CFAP69: variants seen among roughly 807,000 people sequenced by gnomAD.
CFAP69 encodes the protein cilia and flagella associated protein 69.
In CFAP69, 92 loss-of-function variants were observed where a neutral mutation model predicts 123.0. The ratio of observed to expected loss-of-function variants is 0.75; its 90% CI spans 0.63 to 0.89. CFAP69 has a LOEUF of 0.89. Ranked by LOEUF, CFAP69 falls within the 40% of genes least tolerant of loss-of-function variation. The pLI, the probability that CFAP69 is intolerant of heterozygous loss-of-function variation, is 0.00. For missense variants in CFAP69, 1,067 were observed against 1,096.9 expected (o/e 0.97, Z 0.39); for synonymous variants, 380 against 364.3 (o/e 1.04, Z -0.49).
intron 15 of CFAP69, among the ~76,000 whole-genome samples, chr7:90,291,051 G>A (rs1351521425): frequency 6.6e-6 from 1 of 152,036 alleles, no homozygotes; most frequent in Non-Finnish European, 1.5e-5. Context: ...ATTCTTATAG[G>A]AAAGGGTTCC....
chr7:90,253,633 C>T (rs190800135), intron 1 of CFAP69, among the ~76,000 whole-genome samples: 1 of 152,272 alleles, frequency 6.6e-6, no homozygotes, highest in Admixed American at 6.5e-5. Flanking sequence ...CTCAGATGAT[C>T]CACCCGCCTC....
At position 90,268,329 on chromosome 7, in the gene CFAP69, T is replaced by C; in HGVS notation, c.477T>C (p.Ile159=). 2 of 1,610,032 alleles carry C rather than the reference T, an allele frequency of 1.2e-6. No individual in the cohort carries two copies. Among genetic ancestry groups the C allele is most frequent in the Non-Finnish European group, 8.5e-7 (1 of 1,178,646 alleles). The change falls in exon 6 of 23, where the codon ATT becomes ATC. Residue 159 remains isoleucine (I), a synonymous_variant. Coordinates refer to ENST00000389297, the MANE Select transcript of CFAP69 (RefSeq NM_001039706.3). ...KIPSSELRIQ[I]CKCIVDFYHA... is the part of the protein sequence containing the mutation. ...CAAGTTCTGAATTGAGGATACAAAT[T>C]TGTAAGTGTATTGTTGATTTTTATC... is the stretch of plus-strand genomic sequence containing the variant.
rs542699888 is a variant in CFAP69 at position 90,304,598 on chromosome 7, A to C, written c.2189-146A>C. On this transcript the variant is annotated intron_variant, in intron 18 of 22. Transcript: ENST00000389297. ...TACTCACAGAATTAACTTTTTCATA[A>C]ATCAAGATGAAATCAAAAGTAACTT... The C allele has an allele frequency of 6.5e-4, 925 of 1,421,060 alleles. 12 individuals carry two copies. The South Asian group carries it at 0.012, about 19-fold the overall frequency. The allele number at this position is 1,421,060 out of a possible 1,614,324, so 88.0% of individuals were successfully genotyped here. A position where few individuals can be genotyped will look rare whatever the true frequency, so the allele number is the denominator to read the frequency against.
At chr7:90,307,932 C>A in intron 21 of CFAP69, 78 bp downstream of exon 21, 1 of 908,430 alleles carries the variant, frequency 1.1e-6, no homozygotes, top group Non-Finnish European at 1.7e-6. Context: ...AACAAATATT[C>A]ATTCATTTTT....
intron 15 of CFAP69, among the ~76,000 whole-genome samples, chr7:90,290,166 G>A (rs58028238): frequency 0.015 from 2,306 of 152,270 alleles, 76 homozygotes; most frequent in African/African-American, 0.053. Flanking sequence ...TAGAGAAAGA[G>A]AGATTGAGAT....
intron 5 of CFAP69, among the ~76,000 whole-genome samples, chr7:90,267,878 T>C (rs1228514984): frequency 6.6e-6 from 1 of 152,230 alleles, no homozygotes; most frequent in African/African-American, 2.4e-5. Flanking sequence ...TATTAGCTAA[T>C]TTAATCCTCA....
chr7:90,300,045 A>G lies in CFAP69; in HGVS notation c.2036A>G (p.Asn679Ser). 1 of 1,590,316 alleles carries G rather than the reference A, an allele frequency of 6.3e-7. No individual in the cohort carries two copies. The highest frequency in any genetic ancestry group is 8.6e-7 in the Non-Finnish European group (1 of 1,168,348). ...EKELGVKRDK[N>S]GKIIDTKKPL... is the part of the protein sequence containing the mutation. ...GAACTAGGAGTAAAACGTGATAAAA[A>G]TGGGAAGATCATTGGTGAGTATATT... Residue 679 changes from asparagine to serine, a missense_variant, in exon 17 of 23, where the codon AAT becomes AGT. Asn to Ser is a conservative substitution (Grantham distance 46). Coordinates refer to ENST00000389297, the MANE Select transcript of CFAP69 (RefSeq NM_001039706.3).
chr7:90,278,193 GT>G (rs2117012147), intron 11 of CFAP69, among the ~76,000 whole-genome samples: 1 of 152,184 alleles, frequency 6.6e-6, no homozygotes, highest in South Asian at 2.1e-4. Flanking sequence ...AAAGGCTTTA[GT>G]CAGACAGAAT....
intron 3 of CFAP69, among the ~76,000 whole-genome samples, chr7:90,260,581 C>G (rs961291323): frequency 6.6e-6 from 1 of 152,062 alleles, no homozygotes; most frequent in Non-Finnish European, 1.5e-5. Context: ...TTAGCTCATT[C>G]CAGTTCAAAA....
At position 90,264,046 on chromosome 7, in the gene CFAP69, G is replaced by A. The variant is rs1314825864; in HGVS notation, c.357-1255G>A. 3.6e-5 allele frequency among the ~76,000 whole-genome samples: 5 copies of A among 138,644 alleles called. No individual in the cohort carries two copies. The East Asian group carries it at 6.5e-4, about 18-fold the overall frequency. 91.0% of individuals were successfully genotyped at this position (138,644 alleles called of 152,430 possible). ...GCAGAGTTTGCAGTGAGCTGAGATC[G>A]TGCCACTGCACTCCAGCCTGGGCGA... On this transcript the variant is annotated intron_variant, in intron 4 of 22. Transcript: ENST00000389297.
chr7:90,245,769 C>T (rs1463802587), intron 1 of CFAP69, among the ~76,000 whole-genome samples: 1 of 152,196 alleles, frequency 6.6e-6, no homozygotes, highest in Admixed American at 6.5e-5. Context: ...GTCTGGGGAC[C>T]AGCGCTGTGT....
chr7:90,252,631 C>G (rs1797166469), intron 1 of CFAP69, among the ~76,000 whole-genome samples: 1 of 152,112 alleles, frequency 6.6e-6, no homozygotes, highest in East Asian at 1.9e-4. Context: ...GTGATTGCAC[C>G]ACTGCACTCC....
At chr7:90,294,652 A>T (rs1271116242) in intron 15 of CFAP69, among the ~76,000 whole-genome samples, 3 of 152,196 alleles carry the variant, frequency 2.0e-5, no homozygotes, top group African/African-American at 7.2e-5. Flanking sequence ...GGGGACTTGC[A>T]GCAAAGTTTG....
At position 90,300,062 on chromosome 7, in the gene CFAP69, G is replaced by A. The variant is rs752842694; in HGVS notation, c.2050+3G>A. On this transcript the variant is annotated splice_donor_region_variant and intron_variant, in intron 17 of 22. Coordinates refer to ENST00000389297, the MANE Select transcript of CFAP69 (RefSeq NM_001039706.3). Reference sequence around the variant, plus strand: ...TGATAAAAATGGGAAGATCATTGGTGAGTATATTTATAATTGTTAGTAGAA... The same window carrying A: ...TGATAAAAATGGGAAGATCATTGGTAAGTATATTTATAATTGTTAGTAGAA... The A allele has an allele frequency of 1.3e-6, 2 of 1,567,434 alleles. No individual in the cohort carries two copies. The highest frequency in any genetic ancestry group is 2.4e-5 in the South Asian group (2 of 84,230).
In CFAP69 at chr7:90,306,956, C is replaced by G. The variant is rs1280080502; in HGVS notation, c.2321C>G (p.Pro774Arg). Residue 774 changes from proline to arginine, a missense_variant, in exon 20 of 23, where the codon CCA becomes CGA. Physicochemically the swap from Pro to Arg is moderately radical, Grantham distance 103 (BLOSUM62 -2). Transcript: ENST00000389297. ...GAAATAAAATTAGAAAAATTAAGAC[C>G]AGTCACTACAGATAAAAAAGCTTTG... ...YEEIKLEKLR[P>R]VTTDKKALEA... is the part of the protein sequence containing the mutation. 2 of 1,575,376 alleles carry G rather than the reference C, an allele frequency of 1.3e-6. No individual in the cohort carries two copies. The highest frequency in any genetic ancestry group is 2.2e-5 in the East Asian group (1 of 44,570).
At chr7:90,294,918 T>G (rs4728878) in intron 15 of CFAP69, among the ~76,000 whole-genome samples, 75,378 of 151,602 alleles carry the variant, frequency 0.5, 19,652 homozygotes, top group Non-Finnish European at 0.58. Flanking sequence ...AAGGGAGCAT[T>G]GCTTTTGGCA....
chr7:90,292,931 A>G (rs1005759811), intron 15 of CFAP69, among the ~76,000 whole-genome samples: 15 of 152,190 alleles, frequency 9.9e-5, no homozygotes, highest in Non-Finnish European at 1.9e-4. Context: ...AGCTGACTAT[A>G]AACGACCTTT....
In CFAP69 at chr7:90,310,068, G is replaced by A; in HGVS notation, c.2656G>A (p.Val886Met). The A allele has an allele frequency of 5.0e-6, 8 of 1,600,120 alleles. No homozygotes were observed. Among genetic ancestry groups the A allele is most frequent in the Non-Finnish European group, 6.8e-6 (8 of 1,173,120 alleles). ...QTHIKGLNTT[V>M]PSGGVVTVES... ...AGATATTTACCTTTTGCCTTTTTAG[G>A]TGCCCTCTGGTGGAGTAGTAACAGT... The change falls in exon 23 of 23, where the codon GTG becomes ATG. Residue 886 changes from valine (V) to methionine (M), a missense_variant and splice_region_variant. Transcript: ENST00000389297.
At chr7:90,314,299 G>A (rs17863983), downstream of CFAP69, among the ~76,000 whole-genome samples, 8,105 of 152,182 alleles carry the variant, frequency 0.053, 274 homozygotes, top group Non-Finnish European at 0.077. Context: ...TATTAGTTGT[G>A]ACATATATAA....
Sources: allele counts gnomAD v4.1 joint callset (sites outside exome capture counted in the v4.1 genomes callset), GRCh38; gene constraint gnomAD v4.1.1; transcripts MANE v1.5; gene names NCBI Gene and HGNC (gene_info 2026-07-23, HGNC 2026-07-21).